Variants in GRIN2B observed in about 807,000 individuals in gnomAD.
GRIN2B encodes glutamate receptor ionotropic, NMDA 2B.
In GRIN2B, 5 loss-of-function variants were observed where a neutral mutation model predicts 114.5. That is an observed-to-expected ratio of 0.04 (90% confidence interval 0.02 to 0.09). The LOEUF (loss-of-function observed/expected upper bound fraction) is 0.09. Among genes scored for constraint, GRIN2B ranks in the 10% least tolerant of loss-of-function variants. The pLI is 1.00. For missense variants in GRIN2B, 1,108 were observed against 1,943.5 expected (o/e 0.57, Z 8.08); for synonymous variants, 787 against 745.1 (o/e 1.06, Z -0.92).
intron 5 of GRIN2B, among the ~76,000 whole-genome samples, chr12:13,649,738 C>A (rs1949797184): frequency 1.3e-5 from 2 of 152,036 alleles, no homozygotes; most frequent in Admixed American, 6.6e-5. Flanking sequence ...GGAAAATAAT[C>A]TGGAAGATGA....
At chr12:13,946,951 C>A (rs545371835) in intron 2 of GRIN2B, among the ~76,000 whole-genome samples, 1 of 152,036 alleles carries the variant, frequency 6.6e-6, no homozygotes, top group African/African-American at 2.4e-5. Context: ...TTGAGCGATG[C>A]ATATAGTAAA....
At chr12:13,875,520 T>C (rs1865980258) in intron 2 of GRIN2B, among the ~76,000 whole-genome samples, 1 of 152,110 alleles carries the variant, frequency 6.6e-6, no homozygotes. Context: ...AGCAAGACTC[T>C]GTCTCAAAAG....
chr12:13,979,114 G>T (rs549824519), intron 2 of GRIN2B, among the ~76,000 whole-genome samples: 5 of 152,294 alleles, frequency 3.3e-5, no homozygotes, highest in African/African-American at 1.2e-4. Flanking sequence ...GAGTGTAGAA[G>T]TAACAGTTTG....
chr12:13,674,724 G>C (rs1682255311), intron 5 of GRIN2B, among the ~76,000 whole-genome samples: 1 of 152,064 alleles, frequency 6.6e-6, no homozygotes, highest in Admixed American at 6.6e-5. Context: ...TCTTAAATCA[G>C]TTTCCCAACA....
rs1452307461 is a variant in GRIN2B at position 13,564,925 on chromosome 12, T to G, written c.2599-286A>C. On this transcript the variant is annotated intron_variant, in intron 13 of 13. Transcript: ENST00000609686. This position sits in a 1 kb window ranked among gnomAD's most constrained non-coding sequence, Gnocchi z 4.8. Reference sequence around the variant, plus strand: ...GGACTGGAATCATAAGATATGGCATTTTTGCCTCAGCTTCACTGTTGACTT... The same window carrying G: ...GGACTGGAATCATAAGATATGGCATGTTTGCCTCAGCTTCACTGTTGACTT... 5.3e-5 allele frequency among the ~76,000 whole-genome samples: 8 copies of G among 152,210 alleles called. No homozygotes were observed. The highest frequency in any genetic ancestry group is 1.9e-4 in the African/African-American group (8 of 41,452).
At chr12:13,905,502 A>G (rs1866522591) in intron 2 of GRIN2B, among the ~76,000 whole-genome samples, 1 of 152,186 alleles carries the variant, frequency 6.6e-6, no homozygotes, top group Admixed American at 6.5e-5. Context: ...TTCATACTAT[A>G]TGCCAATAAT....
At chr12:13,641,682 G>A (rs148517046) in intron 5 of GRIN2B, among the ~76,000 whole-genome samples, 31 of 152,212 alleles carry the variant, frequency 2.0e-4, no homozygotes, top group African/African-American at 4.3e-4. Context: ...AACTAGAAAT[G>A]AATCCAGGAC....
At chr12:13,957,427 G>T (rs187056533) in intron 2 of GRIN2B, among the ~76,000 whole-genome samples, 2 of 152,124 alleles carry the variant, frequency 1.3e-5, no homozygotes, top group Non-Finnish European at 2.9e-5. Context: ...GTATCTCTCC[G>T]TGGAAATTAA....
At chr12:13,949,214 G>C (rs1210187199) in intron 2 of GRIN2B, among the ~76,000 whole-genome samples, 5 of 152,114 alleles carry the variant, frequency 3.3e-5, no homozygotes, top group Admixed American at 2.6e-4. Flanking sequence ...GGGAGATGCT[G>C]GTTTGCATTT....
At chr12:13,960,012 C>T (rs762671842) in intron 2 of GRIN2B, among the ~76,000 whole-genome samples, 6 of 151,976 alleles carry the variant, frequency 3.9e-5, no homozygotes, top group Admixed American at 6.5e-5. Flanking sequence ...TAAGTGGAGC[C>T]GAGCTTTTCA....
intron 13 of GRIN2B, among the ~76,000 whole-genome samples, chr12:13,566,669 T>C (rs1339447203): frequency 2.6e-5 from 4 of 152,246 alleles, no homozygotes; most frequent in Non-Finnish European, 4.4e-5. Flanking sequence ...AATAGAAATG[T>C]ACATTTTTAA....
At chr12:13,624,693 C>T (rs763889509) in intron 5 of GRIN2B, among the ~76,000 whole-genome samples, 4 of 152,190 alleles carry the variant, frequency 2.6e-5, no homozygotes, top group African/African-American at 4.8e-5. Flanking sequence ...TGAAGGGAAG[C>T]CCATCCAGCC....
intron 3 of GRIN2B, among the ~76,000 whole-genome samples, chr12:13,757,957 G>C (rs1450079097): frequency 1.3e-5 from 2 of 152,102 alleles, no homozygotes; most frequent in African/African-American, 4.8e-5. Flanking sequence ...CATAAATAAA[G>C]GATTAAGTGC....
At chr12:13,606,737 G>A (rs1354855107) in intron 10 of GRIN2B, among the ~76,000 whole-genome samples, 1 of 152,126 alleles carries the variant, frequency 6.6e-6, no homozygotes, top group African/African-American at 2.4e-5. Context: ...GGGGGAAAAG[G>A]AGGTGTGCAA....
chr12:13,746,050 T>C (rs1260531586), intron 4 of GRIN2B, among the ~76,000 whole-genome samples: 1 of 151,514 alleles, frequency 6.6e-6, no homozygotes, highest in Admixed American at 6.6e-5. Flanking sequence ...AAATATAATT[T>C]ATACAGTATA....
intron 5 of GRIN2B, among the ~76,000 whole-genome samples, chr12:13,666,539 A>C (rs17760877): frequency 0.094 from 14,265 of 152,226 alleles, 829 homozygotes; most frequent in Middle Eastern, 0.24. Context: ...ATTTATGTTC[A>C]TGGTTTTTAT....
chr12:13,866,067 C>T lies in GRIN2B; in HGVS notation c.142G>A (p.Val48Met), dbSNP rs765939021. 6.2e-7 allele frequency: 1 copy of T among 1,614,090 alleles called. No individual in the cohort carries two copies. Among genetic ancestry groups the T allele is most frequent in the South Asian group, 1.1e-5 (1 of 91,072 alleles). Residue 48 changes from valine to methionine, a missense_variant, in exon 3 of 14, where the codon GTG becomes ATG. Val to Met is a conservative substitution (Grantham distance 21). This residue lies in a region of GRIN2B where 199 missense variants were observed against 439.6 expected (regional missense o/e 0.45). Coordinates refer to ENST00000609686, the MANE Select transcript of GRIN2B (RefSeq NM_000834.5). ...TTCTCGTGGGCATCCTTGATGGCCA[C>T]CTCGTCGGAAGTGCCCACGAGGATG... is the stretch of plus-strand genomic sequence containing the variant. ...AVILVGTSDE[V>M]AIKDAHEKDD...
intron 2 of GRIN2B, among the ~76,000 whole-genome samples, chr12:13,910,251 G>A (rs1355366687): frequency 6.6e-6 from 1 of 152,106 alleles, no homozygotes; most frequent in Admixed American, 6.5e-5. Context: ...CCCTCGAAGA[G>A]CATAGAGTCT....
chr12:13,646,342 T>C (rs1354793757), intron 5 of GRIN2B, among the ~76,000 whole-genome samples: 4 of 152,120 alleles, frequency 2.6e-5, no homozygotes, highest in Admixed American at 6.5e-5. Context: ...GTGTCTCCCA[T>C]ATACAGGAAT....
Sources: gnomAD v4.1 joint callset for allele counts (sites outside exome capture counted in the v4.1 genomes callset) on GRCh38, gnomAD v4.1.1 for gene constraint, gnomAD v4.1.1 regional missense constraint, Gnocchi (gnomAD v3.1) non-coding constraint, MANE v1.5 for transcripts, NCBI Gene and HGNC (gene_info 2026-07-23, HGNC 2026-07-21) for gene names.